The following IL1R1 variants were observed in gnomAD, a reference collection of about 807,000 sequenced individuals.
IL1R1 encodes interleukin-1 receptor type 1.
Under a neutral mutation model 50.2 loss-of-function variants are expected in IL1R1, and 22 were observed. The ratio of observed to expected loss-of-function variants is 0.44; its 90% CI spans 0.31 to 0.63. The LOEUF (loss-of-function observed/expected upper bound fraction) is 0.63, where lower values mean the gene tolerates loss of function less well. Among genes scored for constraint, IL1R1 ranks in the 20% least tolerant of loss-of-function variants. The pLI is 0.07. For missense variants in IL1R1, 509 were observed against 676.2 expected (o/e 0.75, Z 2.74); for synonymous variants, 251 against 236.7 (o/e 1.06, Z -0.55).
At chr2:102,097,113 G>A (rs1196888377) in intron 1 of IL1R1, among the ~76,000 whole-genome samples, 1 of 152,298 alleles carries the variant, frequency 6.6e-6, no homozygotes, top group Non-Finnish European at 1.5e-5. Context: ...TAAGTCTAAA[G>A]TTGGTCATTG....
chr2:102,152,637 C>T (rs1352789940), intron 1 of IL1R1, among the ~76,000 whole-genome samples: 2 of 145,834 alleles, frequency 1.4e-5, no homozygotes, highest in African/African-American at 5.0e-5. Context: ...CCATTCCATA[C>T]ATTTTGGTGC....
At chr2:102,131,172 C>T (rs1054647403) in intron 1 of IL1R1, among the ~76,000 whole-genome samples, 2 of 152,182 alleles carry the variant, frequency 1.3e-5, no homozygotes, top group African/African-American at 4.8e-5. Flanking sequence ...CATCAAGCTT[C>T]AGAAGTGGGA....
chr2:102,091,394 T>C (rs1478431887), intron 1 of IL1R1, among the ~76,000 whole-genome samples: 3 of 152,230 alleles, frequency 2.0e-5, no homozygotes, highest in African/African-American at 4.8e-5. Flanking sequence ...TGAAAGCTGA[T>C]TTTGTAATCT....
chr2:102,115,697 G>T (rs191711812), intron 1 of IL1R1, among the ~76,000 whole-genome samples: 14 of 152,086 alleles, frequency 9.2e-5, no homozygotes, highest in East Asian at 5.8e-4. Flanking sequence ...GGCCTTGGAG[G>T]GGGGAGAAGG....
chr2:102,138,281 G>A (rs73943989), upstream of IL1R1, among the ~76,000 whole-genome samples: 3,935 of 152,274 alleles, frequency 0.026, 110 homozygotes, highest in African/African-American at 0.068. Context: ...GGAACTTGCT[G>A]TGCTATATCT....
At chr2:102,143,972 G>T (rs1302906052) in intron 1 of IL1R1, among the ~76,000 whole-genome samples, 1 of 152,214 alleles carries the variant, frequency 6.6e-6, no homozygotes, top group Non-Finnish European at 1.5e-5. Flanking sequence ...TGTCTCAGTC[G>T]CTGCGGTTTG....
chr2:102,132,033 G>A (rs983539176), intron 1 of IL1R1, among the ~76,000 whole-genome samples: 12 of 151,958 alleles, frequency 7.9e-5, no homozygotes, highest in Non-Finnish European at 1.6e-4. Context: ...AGAGTTTGGA[G>A]CATGATCTCT....
At chr2:102,175,714 C>A in intron 11 of IL1R1, 69 bp downstream of exon 11, 1 of 1,456,592 alleles carries the variant, frequency 6.9e-7, no homozygotes, top group Non-Finnish European at 9.7e-7. Context: ...TGGATTCCAT[C>A]TTTCTAGAAG....
intron 1 of IL1R1, among the ~76,000 whole-genome samples, chr2:102,108,689 G>A (rs1014796792): frequency 2.0e-5 from 3 of 151,984 alleles, no homozygotes; most frequent in Admixed American, 1.3e-4. Flanking sequence ...TATTTATTTC[G>A]TTTAGTTTGG....
upstream of IL1R1, among the ~76,000 whole-genome samples, chr2:102,139,414 G>T (rs1420179506): frequency 6.6e-6 from 1 of 152,252 alleles, no homozygotes; most frequent in Non-Finnish European, 1.5e-5. Flanking sequence ...CCCTGGTGGT[G>T]TCCAGAACTA....
intron 1 of IL1R1, among the ~76,000 whole-genome samples, chr2:102,099,117 A>G (rs1680026691): frequency 6.6e-6 from 1 of 152,198 alleles, no homozygotes; most frequent in Non-Finnish European, 1.5e-5. Context: ...AGGCATTGTG[A>G]TAGAGTAAAA....
chr2:102,139,546 A>T (rs116607409), upstream of IL1R1, among the ~76,000 whole-genome samples: 248 of 152,302 alleles, frequency 1.6e-3, no homozygotes, highest in African/African-American at 5.7e-3. Context: ...TTAAAATGTA[A>T]TCCCCAATGT....
intron 1 of IL1R1, among the ~76,000 whole-genome samples, chr2:102,108,238 GTGT>G (rs1206395138): frequency 6.6e-4 from 63 of 96,136 alleles, no homozygotes; most frequent in African/African-American, 7.6e-4. Context: ...ATGTGTGTGT[GTGT>G]GGGGGGGGGT....
Position 102,165,234 on chromosome 2 carries a change from G to T in IL1R1, c.416G>T (p.Gly139Val). The T allele has an allele frequency of 1.9e-6, 3 of 1,609,020 alleles. No individual in the cohort carries two copies. Among genetic ancestry groups the T allele is most frequent in the Non-Finnish European group, 2.5e-6 (3 of 1,178,270 alleles). Residue 139 changes from glycine (G) to valine (V), a missense_variant, in exon 5 of 12, where the codon GGA (glycine) becomes GTA (valine). Gly to Val is a moderately radical substitution (Grantham distance 109). Transcript: ENST00000410023. ...AAACTACCCGTTGCAGGAGACGGAG[G>T]ACTTGTGTGCCCTTATATGGAGTTT... ...KQKLPVAGDG[G>V]LVCPYMEFFK...
intron 1 of IL1R1, among the ~76,000 whole-genome samples, chr2:102,083,293 C>T (rs979016372): frequency 1.3e-5 from 2 of 152,216 alleles, no homozygotes; most frequent in Admixed American, 1.3e-4. Flanking sequence ...ATTCTCCACA[C>T]ATCAGCTGAT....
At chr2:102,145,080 T>A (rs1291673852) in intron 1 of IL1R1, among the ~76,000 whole-genome samples, 1 of 152,190 alleles carries the variant, frequency 6.6e-6, no homozygotes, top group Non-Finnish European at 1.5e-5. Flanking sequence ...GAAACTACCA[T>A]AGCATAGTGG....
At chr2:102,107,021 A>T (rs1680455593) in intron 1 of IL1R1, among the ~76,000 whole-genome samples, 1 of 152,168 alleles carries the variant, frequency 6.6e-6, no homozygotes, top group East Asian at 1.9e-4. Context: ...GTAGAATGGT[A>T]GGGGTCAAAG....
At chr2:102,077,517 G>C (rs1382071287) in intron 1 of IL1R1, among the ~76,000 whole-genome samples, 1 of 152,078 alleles carries the variant, frequency 6.6e-6, no homozygotes, top group Non-Finnish European at 1.5e-5. Flanking sequence ...CAACATGCTT[G>C]ATCTTTCCTC....
intron 1 of IL1R1, among the ~76,000 whole-genome samples, chr2:102,116,291 T>C (rs1220118972): frequency 6.6e-6 from 1 of 152,200 alleles, no homozygotes; most frequent in Non-Finnish European, 1.5e-5. Flanking sequence ...TGGCAAGTAA[T>C]AACAGTGAAC....
Sources: gnomAD v4.1 joint callset for allele counts (sites outside exome capture counted in the v4.1 genomes callset) on GRCh38, gnomAD v4.1.1 for gene constraint, MANE v1.5 for transcripts, NCBI Gene and HGNC (gene_info 2026-07-23, HGNC 2026-07-21) for gene names.